The following POLA1 variants were observed in gnomAD, a reference collection of about 807,000 sequenced individuals.
The protein encoded by POLA1 is DNA polymerase alpha catalytic subunit.
A neutral mutation model predicts 124.0 loss-of-function variants in POLA1; 15 were observed. That is an observed-to-expected ratio of 0.12 (90% CI 0.08 to 0.19). The LOEUF (loss-of-function observed/expected upper bound fraction) is 0.19. Among genes scored for constraint, POLA1 ranks in the 10% least tolerant of loss-of-function variants. The probability of loss-of-function intolerance (pLI) is 1.00; values close to 1 mark genes in which losing one functional copy is unlikely to be tolerated. For missense variants in POLA1, 886 were observed against 1,103.4 expected, an observed-to-expected ratio of 0.80 and a Z score of 2.79; for synonymous variants, 408 against 389.4, an observed-to-expected ratio of 1.05 and a Z score of -0.56.
At chrX:24,750,442 A>G (rs1312921465) in intron 26 of POLA1, among the ~76,000 whole-genome samples, 1 of 112,570 alleles carries the variant, frequency 8.9e-6, no homozygotes, top group Non-Finnish European at 1.9e-5. Context: ...ATTTAAACTT[A>G]AATAGACAAA....
intron 36 of POLA1, among the ~76,000 whole-genome samples, chrX:24,980,241 C>T (rs1323693211): frequency 8.9e-6 from 1 of 111,760 alleles, no homozygotes; most frequent in African/African-American, 3.3e-5. Flanking sequence ...CGACTCTTAC[C>T]GGGTAGACGA....
intron 32 of POLA1, among the ~76,000 whole-genome samples, chrX:24,832,676 A>G (rs1254611644): frequency 1.8e-5 from 2 of 112,128 alleles, no homozygotes; most frequent in Non-Finnish European, 3.8e-5. Flanking sequence ...AGAAAAATGG[A>G]TAAGACCTAA....
intron 35 of POLA1, among the ~76,000 whole-genome samples, chrX:24,918,127 T>C (rs776126195): frequency 1.0e-4 from 11 of 107,744 alleles, no homozygotes; most frequent in Non-Finnish European, 1.7e-4. Context: ...AGTTTGAGGA[T>C]GGTGAGCAAA....
At chrX:24,742,910 A>AT (rs1261795857) in intron 22 of POLA1, among the ~76,000 whole-genome samples, 1 of 112,192 alleles carries the variant, frequency 8.9e-6, no homozygotes, top group Non-Finnish European at 1.9e-5. Flanking sequence ...ATAATCTCAA[A>AT]TTTTATATAA....
chrX:24,704,768 T>C (rs1404513753), intron 4 of POLA1, among the ~76,000 whole-genome samples: 1 of 112,295 alleles, frequency 8.9e-6, no homozygotes, highest in Non-Finnish European at 1.9e-5. Context: ...TTTTGAGGGC[T>C]GCAACAGTAA....
At chrX:24,755,101 T>C (rs1177271714) in intron 26 of POLA1, among the ~76,000 whole-genome samples, 1 of 112,380 alleles carries the variant, frequency 8.9e-6, no homozygotes, top group African/African-American at 3.2e-5. Flanking sequence ...TATGAGGCTT[T>C]ATTGATAAGA....
intron 36 of POLA1, among the ~76,000 whole-genome samples, chrX:24,934,872 G>C (rs1006090943): frequency 1.8e-5 from 2 of 111,690 alleles, no homozygotes; most frequent in African/African-American, 6.5e-5. Flanking sequence ...ACAGGTGCAC[G>C]TCACCACGCC....
chrX:24,894,788 CTTTTT>C (rs761056089), intron 35 of POLA1, among the ~76,000 whole-genome samples: 2 of 98,605 alleles, frequency 2.0e-5, no homozygotes, highest in African/African-American at 7.5e-5. Context: ...CTTTTCTTTT[CTTTTT>C]TTTTTTTTTG....
chrX:24,889,059 AG>A (rs746453870), intron 35 of POLA1, among the ~76,000 whole-genome samples: 86 of 110,740 alleles, frequency 7.8e-4, no homozygotes, highest in African/African-American at 2.6e-3. Context: ...TAGTAGAGAC[AG>A]GGTTTTACCA....
intron 36 of POLA1, among the ~76,000 whole-genome samples, chrX:24,944,618 CA>C (rs1329753671): frequency 1.8e-5 from 2 of 112,090 alleles, no homozygotes; most frequent in Non-Finnish European, 3.8e-5. Flanking sequence ...TAACATGCTA[CA>C]GGCATGTGGG....
At chrX:24,916,327 G>A (rs1240126795) in intron 35 of POLA1, among the ~76,000 whole-genome samples, 1 of 104,584 alleles carries the variant, frequency 9.6e-6, no homozygotes, top group Non-Finnish European at 1.9e-5. Flanking sequence ...TGTCGCTCAG[G>A]CTAGAGTGCA....
intron 5 of POLA1, 120 bp from the exon 6 acceptor site, chrX:24,715,021 G>T: frequency 2.0e-6 from 1 of 505,447 alleles, no homozygotes. Context: ...CTCAGAGAGT[G>T]AGGAATGAAG....
rs1431789283 is a variant in POLA1, at chrX:24,900,193, G to A, written c.4164+12071G>A. Among the ~76,000 whole-genome samples the A allele has an allele frequency of 4.5e-5, 5 of 111,884 alleles. No individual in the cohort carries two copies. The East Asian group carries it at 1.1e-3, about 25-fold the overall frequency. On this transcript the variant is annotated intron_variant, in intron 35 of 36. Transcript: ENST00000379068. ...AGCCTTGATGTTTGAAGTACTCATC[G>A]GTGACCAATAAGCTGTTATACAGCC...
chrX:24,953,488 G>T (rs957931117), intron 36 of POLA1, among the ~76,000 whole-genome samples: 2 of 111,807 alleles, frequency 1.8e-5, no homozygotes, highest in Non-Finnish European at 3.8e-5. Context: ...TGGTGTTTAA[G>T]CTGAGACCTG....
rs1219874960 is a variant in POLA1, at chrX:24,821,497, C to A, written c.3475C>A (p.Pro1159Thr). ...PQDYPDKKSLPHVHVALWINS... is the reference protein window; with the variant it reads ...PQDYPDKKSLTHVHVALWINS... The stretch of plus-strand genomic sequence containing the variant: ...GGATTACCCTGATAAAAAAAGCCTA[C>A]CTCATGTACATGTTGCCCTCTGGAT... Residue 1159 changes from proline to threonine, a missense_variant, in exon 31 of 37, where the codon CCT becomes ACT. By Grantham distance (38) the Pro-to-Thr change is conservative. Transcript: ENST00000379068. The A allele has an allele frequency of 8.3e-7, 1 of 1,199,580 alleles. No individual in the cohort carries two copies. The highest frequency in any genetic ancestry group is 1.1e-6 in the Non-Finnish European group (1 of 886,117).
chrX:24,995,860 C>T lies in POLA1; in HGVS notation c.4317C>T (p.Leu1439=). The T allele has an allele frequency of 8.3e-7, 1 of 1,208,398 alleles. No homozygotes were observed. Among genetic ancestry groups the T allele is most frequent in the Non-Finnish European group, 1.1e-6 (1 of 892,571 alleles). The change falls in exon 37 of 37, where the codon CTC becomes CTT. Residue 1439 remains leucine (L), a synonymous_variant. Transcript: ENST00000379068. The part of the protein sequence containing the change: ...TPKVLQDYRK[L]KNTAEQFLSR... Reference sequence around the variant, plus strand: ...AAGTTCTGCAGGACTACAGAAAACTCAAGAACACAGCAGAGCAATTCTTGT... The same window carrying T: ...AAGTTCTGCAGGACTACAGAAAACTTAAGAACACAGCAGAGCAATTCTTGT...
intron 35 of POLA1, among the ~76,000 whole-genome samples, chrX:24,921,830 A>G (rs1815637763): frequency 9.1e-6 from 1 of 110,209 alleles, no homozygotes; most frequent in African/African-American, 3.4e-5. Flanking sequence ...TCACAGCACC[A>G]AGGGACCAGT....
intron 32 of POLA1, among the ~76,000 whole-genome samples, chrX:24,831,706 C>T (rs1188758284): frequency 8.9e-6 from 1 of 112,448 alleles, no homozygotes; most frequent in African/African-American, 3.2e-5. Flanking sequence ...TAGGCGTGAG[C>T]CACTGCTCCT....
At chrX:24,972,518 T>C (rs2048316157) in intron 36 of POLA1, among the ~76,000 whole-genome samples, 1 of 111,791 alleles carries the variant, frequency 8.9e-6, no homozygotes, top group Non-Finnish European at 1.9e-5. Context: ...TTCCCAAACG[T>C]ATATGCTGCA....
Sources: gnomAD v4.1 joint callset for allele counts (sites outside exome capture counted in the v4.1 genomes callset) on GRCh38, gnomAD v4.1.1 for gene constraint, MANE v1.5 for transcripts, NCBI Gene and HGNC (gene_info 2026-07-23, HGNC 2026-07-21) for gene names.